The following TDRD3 variants were observed in gnomAD, a reference collection of about 807,000 sequenced individuals.
The protein encoded by TDRD3 is tudor domain-containing protein 3.
TDRD3 carries 45 observed loss-of-function variants against 86.7 expected under a neutral mutation model. The observed-to-expected ratio is 0.52, with a 90% CI of 0.41 to 0.67. The LOEUF (loss-of-function observed/expected upper bound fraction) is 0.67. Among genes scored for constraint, TDRD3 ranks in the 30% least tolerant of loss-of-function variants. The pLI is 0.00. For synonymous variants in TDRD3, 298 were observed against 301.7 expected, an observed-to-expected ratio of 0.99 and a Z score of 0.13; for missense variants, 814 against 889.0, an observed-to-expected ratio of 0.92 and a Z score of 1.07.
At chr13:60,546,839 A>T (rs570864740) in intron 12 of TDRD3, among the ~76,000 whole-genome samples, 18 of 152,290 alleles carry the variant, frequency 1.2e-4, no homozygotes, top group African/African-American at 4.3e-4. Flanking sequence ...CCTCTTAATT[A>T]GGATGGATGT....
At chr13:60,526,178 C>T (rs970494658) in intron 10 of TDRD3, among the ~76,000 whole-genome samples, 1 of 152,080 alleles carries the variant, frequency 6.6e-6, no homozygotes, top group African/African-American at 2.4e-5. Flanking sequence ...AAAAATTCTT[C>T]CCTAAACAGC....
intron 1 of TDRD3, among the ~76,000 whole-genome samples, chr13:60,421,599 C>T (rs555675429): frequency 1.3e-5 from 2 of 152,140 alleles, no homozygotes; most frequent in Non-Finnish European, 2.9e-5. Flanking sequence ...AATAACTTCC[C>T]AAAATCTTTC....
chr13:60,561,858 G>C (rs1958339686), intron 12 of TDRD3, among the ~76,000 whole-genome samples: 2 of 134,536 alleles, frequency 1.5e-5, no homozygotes, highest in East Asian at 1.9e-4. Flanking sequence ...TATGGGCCCA[G>C]GTTTTTTGTT....
chr13:60,529,374 A>G (rs1957530368), intron 11 of TDRD3, among the ~76,000 whole-genome samples, 157 bp downstream of exon 11: 1 of 152,218 alleles, frequency 6.6e-6, no homozygotes, highest in African/African-American at 2.4e-5. Context: ...AAGGATAAAC[A>G]AAATATTTAA....
intron 1 of TDRD3, among the ~76,000 whole-genome samples, chr13:60,414,737 T>C (rs1255354409): frequency 2.0e-5 from 3 of 152,118 alleles, no homozygotes; most frequent in African/African-American, 7.2e-5. Context: ...TACAGAGTTA[T>C]CAGGTGTTTT....
intron 12 of TDRD3, among the ~76,000 whole-genome samples, chr13:60,553,288 C>T (rs1052407137): frequency 6.6e-6 from 1 of 152,060 alleles, no homozygotes; most frequent in Non-Finnish European, 1.5e-5. Flanking sequence ...AGCCAGATAC[C>T]CTAAATCATC....
chr13:60,509,682 TAA>T, intron 8 of TDRD3, 79 bp from the exon 9 acceptor site: 1 of 1,538,510 alleles, frequency 6.5e-7, no homozygotes, highest in African/African-American at 1.4e-5. Context: ...AATTTTTAGT[TAA>T]AAGACAGTAA....
chr13:60,564,152 G>A (rs548327585), intron 12 of TDRD3, among the ~76,000 whole-genome samples: 10 of 152,052 alleles, frequency 6.6e-5, no homozygotes, highest in Non-Finnish European at 1.3e-4. Flanking sequence ...ACATGGGTGA[G>A]GTAAGCAAAA....
Position 60,412,133 on chromosome 13 carries a change from G to T in TDRD3, c.41+14728G>T, listed in dbSNP as rs529822545. On this transcript the variant is annotated intron_variant, in intron 1 of 13. Coordinates refer to ENST00000377881, the MANE Select transcript of TDRD3 (RefSeq NM_001146070.2). ...ATCTTATAAACTGTAAAACCTTGTG[G>T]TAGTGTGAGATTGCTCCAAAAGTTT... is the stretch of plus-strand genomic sequence containing the variant. Among the ~76,000 whole-genome samples, 8 of 152,302 alleles carry T rather than the reference G, an allele frequency of 5.3e-5. No individual in the cohort carries two copies. In the South Asian group the frequency reaches 1.7e-3, roughly 32 times the overall value.
chr13:60,410,568 G>C (rs931514319), intron 1 of TDRD3, among the ~76,000 whole-genome samples: 2 of 152,128 alleles, frequency 1.3e-5, no homozygotes, highest in East Asian at 3.9e-4. Flanking sequence ...ATATTCAGGG[G>C]CCTCTACTCC....
chr13:60,455,000 C>T (rs1388401995), intron 3 of TDRD3, among the ~76,000 whole-genome samples: 2 of 151,932 alleles, frequency 1.3e-5, no homozygotes, highest in Admixed American at 6.6e-5. Flanking sequence ...TGCAACCTCT[C>T]CTTCCCGGAT....
At chr13:60,450,627 A>G (rs1484958152) in intron 3 of TDRD3, among the ~76,000 whole-genome samples, 1 of 152,212 alleles carries the variant, frequency 6.6e-6, no homozygotes, top group African/African-American at 2.4e-5. Context: ...TTAAAGCACT[A>G]GAAAATATAT....
intron 2 of TDRD3, among the ~76,000 whole-genome samples, chr13:60,442,094 T>C (rs1955288622): frequency 6.6e-6 from 1 of 152,206 alleles, no homozygotes; most frequent in Admixed American, 6.5e-5. Context: ...CTTAGCTTTT[T>C]ATGTTGAAAA....
intron 12 of TDRD3, among the ~76,000 whole-genome samples, chr13:60,544,512 G>T (rs769728591): frequency 7.9e-5 from 12 of 151,454 alleles, no homozygotes; most frequent in Admixed American, 2.0e-4. Context: ...AATTCCATTG[G>T]GTATGTGTAC....
At chr13:60,493,743 G>C (rs1234016657) in intron 7 of TDRD3, among the ~76,000 whole-genome samples, 1 of 152,162 alleles carries the variant, frequency 6.6e-6, no homozygotes, top group Non-Finnish European at 1.5e-5. Context: ...ATGCTTTTCA[G>C]TTATGAAGTT....
chr13:60,483,783 A>G lies in TDRD3; in HGVS notation c.504A>G (p.Ser168=), dbSNP rs1224639032. The G allele has an allele frequency of 1.9e-6, 3 of 1,609,958 alleles. No homozygotes were observed. Among genetic ancestry groups the G allele is most frequent in the Non-Finnish European group, 1.7e-6 (2 of 1,177,984 alleles). The change falls in exon 6 of 14, where the codon TCA becomes TCG. Residue 168 remains serine (S), a synonymous_variant. Transcript: ENST00000377881. Reference sequence around the variant, plus strand: ...CTGGATTTTTTCCGCAGAGCTTATCAAAACACAATAGAAGCAATATTGGAA... The same window carrying G: ...CTGGATTTTTTCCGCAGAGCTTATCGAAACACAATAGAAGCAATATTGGAA... ...IEKWELQRSL[S]KHNRSNIGTE... is the part of the protein sequence containing the mutation.
rs375593230 is a variant in TDRD3 at position 60,462,845 on chromosome 13, T to C, written c.353+2305T>C. On this transcript the variant is annotated intron_variant, in intron 4 of 13. Coordinates refer to ENST00000377881, the MANE Select transcript of TDRD3 (RefSeq NM_001146070.2). ...AGTAAAAAGAACAAAGCTGGAGGTA[T>C]CACGTTACTTGATTTCAAACTACAC... Among the ~76,000 whole-genome samples the C allele has an allele frequency of 6.6e-5, 10 of 152,244 alleles. No homozygotes were observed. In the South Asian group the frequency reaches 1.0e-3, roughly 16 times the overall value.
chr13:60,471,903 A>G (rs1370444259), intron 5 of TDRD3, among the ~76,000 whole-genome samples: 5 of 152,092 alleles, frequency 3.3e-5, no homozygotes, highest in Non-Finnish European at 7.4e-5. Context: ...CTTTTAATAT[A>G]GTGTTGAATG....
At chr13:60,519,207 C>G (rs1166088108) in intron 10 of TDRD3, among the ~76,000 whole-genome samples, 1 of 151,996 alleles carries the variant, frequency 6.6e-6, no homozygotes, top group East Asian at 1.9e-4. Flanking sequence ...ATTTATTAAC[C>G]ATAAGATAAA....
Sources: allele counts gnomAD v4.1 joint callset (sites outside exome capture counted in the v4.1 genomes callset), GRCh38; gene constraint gnomAD v4.1.1; transcripts MANE v1.5; gene names NCBI Gene and HGNC (gene_info 2026-07-23, HGNC 2026-07-21).